The following MTARC1 variants were observed in gnomAD, a reference collection of about 807,000 sequenced individuals.
The protein encoded by MTARC1 is mitochondrial amidoxime reducing component 1.
Under a neutral mutation model 33.6 loss-of-function variants are expected in MTARC1, and 24 were observed. The ratio of observed to expected loss-of-function variants is 0.72; its 90% CI spans 0.52 to 1.01. The LOEUF (loss-of-function observed/expected upper bound fraction) is 1.01. Ranked by LOEUF, MTARC1 falls within the 50% of genes least tolerant of loss-of-function variation. The pLI, the probability that MTARC1 is intolerant of heterozygous loss-of-function variation, is 0.00. For missense variants in MTARC1, 417 were observed against 445.7 expected (o/e 0.94, Z 0.58); for synonymous variants, 187 against 189.5 (o/e 0.99, Z 0.11).
chr1:220,812,050 TG>T (rs777936817), intron 6 of MTARC1, among the ~76,000 whole-genome samples: 2 of 152,216 alleles, frequency 1.3e-5, no homozygotes, highest in African/African-American at 2.4e-5. Flanking sequence ...TACTCGTAGC[TG>T]GGGGAACCTG....
At chr1:220,794,030 C>T (rs1035947934) in intron 2 of MTARC1, 3 of 152,104 alleles carry the variant, frequency 2.0e-5, no homozygotes, top group Non-Finnish European at 4.4e-5. Flanking sequence ...GTCAGATTAG[C>T]AGGGCAGATG....
chr1:220,789,590 T>C (rs545916429), intron 1 of MTARC1, among the ~76,000 whole-genome samples: 1 of 152,374 alleles, frequency 6.6e-6, no homozygotes, highest in East Asian at 1.9e-4. Context: ...ATAGGATGAA[T>C]GTTCTTTGCA....
chr1:220,803,364 A>G (rs1305478828), intron 4 of MTARC1, among the ~76,000 whole-genome samples: 2 of 152,212 alleles, frequency 1.3e-5, no homozygotes, highest in African/African-American at 2.4e-5. Flanking sequence ...TGGGAGCTAC[A>G]ATTCAAGATG....
intron 2 of MTARC1, among the ~76,000 whole-genome samples, chr1:220,792,213 G>A (rs1421865290): frequency 2.0e-5 from 3 of 152,196 alleles, no homozygotes; most frequent in Non-Finnish European, 4.4e-5. Context: ...AGGGGTCAGT[G>A]TCAGAATGAG....
rs1239289338 is a variant in MTARC1 at position 220,814,320 on chromosome 1, A to G, written c.*902A>G. 6.6e-6 allele frequency: 1 copy of G among 152,186 alleles called. No individual in the cohort carries two copies. Among genetic ancestry groups the G allele is most frequent in the Non-Finnish European group, 1.5e-5 (1 of 68,030 alleles). The allele number at this position is 152,186 out of a possible 1,614,324, so 9.4% of individuals were successfully genotyped here. ...TTTTTTATTGCCATTTTGTCCTTTG[A>G]TTATATTGGGAAGTTGACTAAACTT... On this transcript the variant is annotated 3_prime_UTR_variant, in exon 7 of 7. Coordinates refer to ENST00000366910, the MANE Select transcript of MTARC1 (RefSeq NM_022746.4).
At position 220,798,173 on chromosome 1, in the gene MTARC1, T is replaced by C. The variant is rs577516063; in HGVS notation, c.753+159T>C. The stretch of plus-strand genomic sequence containing the variant: ...TTAGATTTATTCAGCACTTAATAAG[T>C]GCAGACTTCTGTGTGGAGGATACAA... On this transcript the variant is annotated intron_variant, in intron 4 of 6. Transcript: ENST00000366910. 4.3e-5 allele frequency: 68 copies of C among 1,572,636 alleles called. 1 individual carries two copies. In the South Asian group the frequency reaches 7.1e-4, roughly 17 times the overall value.
intron 6 of MTARC1, chr1:220,808,937 C>T (rs1220401143): frequency 6.4e-6 from 3 of 470,770 alleles, no homozygotes; most frequent in Non-Finnish European, 1.3e-5. Context: ...GACATTTTGC[C>T]CCTAATGGAA....
In MTARC1 at chr1:220,787,155, G is replaced by C; in HGVS notation, c.211G>C (p.Gly71Arg). The C allele has an allele frequency of 6.3e-7, 1 of 1,577,574 alleles. No individual in the cohort carries two copies. The highest frequency in any genetic ancestry group is 8.6e-7 in the Non-Finnish European group (1 of 1,162,620). The change falls in exon 1 of 7, where the codon GGG (glycine) becomes CGG (arginine). Residue 71 changes from glycine to arginine, a missense_variant. By Grantham distance (125) the Gly-to-Arg change is moderately radical (BLOSUM62 -2). Coordinates refer to ENST00000366910, the MANE Select transcript of MTARC1 (RefSeq NM_022746.4). Reference protein sequence around the residue: ...LWIYPVKSCKGVPVSEAECTA... With the variant: ...LWIYPVKSCKRVPVSEAECTA... ...GATCTACCCTGTGAAATCCTGCAAG[G>C]GGGTGCCGGTGAGCGAGGCGGAGTG...
In MTARC1 at chr1:220,816,492, T is replaced by G. The variant is rs1035376052; in HGVS notation, c.*3074T>G. ...CGGGATGCTTCTAAAAACAATTCCATGGACCAGTAAGTTTGGAAAGTCCTG... is the reference window on the plus strand; with the variant it reads ...CGGGATGCTTCTAAAAACAATTCCAGGGACCAGTAAGTTTGGAAAGTCCTG... On this transcript the variant is annotated 3_prime_UTR_variant, in exon 7 of 7. Coordinates refer to ENST00000366910, the MANE Select transcript of MTARC1 (RefSeq NM_022746.4). 4 of 152,238 alleles carry G rather than the reference T, an allele frequency of 2.6e-5. No homozygotes were observed. Among genetic ancestry groups the G allele is most frequent in the African/African-American group, 9.7e-5 (4 of 41,436 alleles). The allele number at this position is 152,238 out of a possible 1,614,324, so 9.4% of individuals were successfully genotyped here. A position where few individuals can be genotyped will look rare whatever the true frequency, so the allele number is the denominator to read the frequency against.
chr1:220,798,619 T>C, intron 4 of MTARC1: 1 of 969,256 alleles, frequency 1.0e-6, no homozygotes, highest in African/African-American at 1.8e-5. Context: ...CCTTTGGCTA[T>C]TTAACTTGAT....
chr1:220,787,028 G>A lies in MTARC1; in HGVS notation c.84G>A (p.Leu28=). Residue 28 remains leucine, a synonymous_variant, in exon 1 of 7, where the codon CTG becomes CTA. Coordinates refer to ENST00000366910, the MANE Select transcript of MTARC1 (RefSeq NM_022746.4). ...SRPGWLGVAA[L]GLTAVALGAV... is the part of the protein sequence containing the mutation. ...CCGGGTGGCTCGGGGTTGCCGCGCT[G>A]GGCCTGACCGCGGTGGCGCTGGGGG... is the stretch of plus-strand genomic sequence containing the variant. 7.3e-7 allele frequency: 1 copy of A among 1,362,260 alleles called. No homozygotes were observed. The highest frequency in any genetic ancestry group is 9.4e-7 in the Non-Finnish European group (1 of 1,065,864). The allele number at this position is 1,362,260 out of a possible 1,614,324, so 84.4% of individuals were successfully genotyped here.
chr1:220,808,674 C>G (rs1006706727), intron 6 of MTARC1, among the ~76,000 whole-genome samples: 1 of 152,198 alleles, frequency 6.6e-6, no homozygotes, highest in African/African-American at 2.4e-5. Context: ...CTGTGCCTGA[C>G]CAGCCCTGCC....
At chr1:220,796,367 A>G (rs1672616344) in intron 2 of MTARC1, among the ~76,000 whole-genome samples, 1 of 152,102 alleles carries the variant, frequency 6.6e-6, no homozygotes, top group African/African-American at 2.4e-5. Flanking sequence ...ATATTATTTC[A>G]TTTCATCCTC....
At chr1:220,813,060 A>G (rs528615715) in intron 6 of MTARC1, among the ~76,000 whole-genome samples, 2 of 152,320 alleles carry the variant, frequency 1.3e-5, no homozygotes, top group African/African-American at 2.4e-5. Flanking sequence ...AAGGGGGAAC[A>G]TGAAGGTAGA....
At chr1:220,797,510 T>A (rs1373995192) in intron 3 of MTARC1, among the ~76,000 whole-genome samples, 2 of 152,208 alleles carry the variant, frequency 1.3e-5, no homozygotes, top group Non-Finnish European at 2.9e-5. Flanking sequence ...TAAGTATTCA[T>A]GGAATTAGTG....
rs1474682289 is a variant in MTARC1 at position 220,813,631 on chromosome 1, T to C, written c.*213T>C. 1 of 538,412 alleles carries C rather than the reference T, an allele frequency of 1.9e-6. No individual in the cohort carries two copies. Among genetic ancestry groups the C allele is most frequent in the Non-Finnish European group, 3.2e-6 (1 of 309,060 alleles). The allele number at this position is 538,412 out of a possible 1,614,324, so 33.4% of individuals were successfully genotyped here. On this transcript the variant is annotated 3_prime_UTR_variant, in exon 7 of 7. Coordinates refer to ENST00000366910, the MANE Select transcript of MTARC1 (RefSeq NM_022746.4). Reference sequence around the variant, plus strand: ...TATAGTCTCAATAACTTAGTAGGACTTCAGTAAGTCACTTAAATGACAAGA... The same window carrying C: ...TATAGTCTCAATAACTTAGTAGGACCTCAGTAAGTCACTTAAATGACAAGA...
At chr1:220,800,255 C>T (rs767506465) in intron 4 of MTARC1, among the ~76,000 whole-genome samples, 67 of 152,130 alleles carry the variant, frequency 4.4e-4, no homozygotes, top group Non-Finnish European at 8.2e-4. Context: ...TGAAGCTGGG[C>T]GGTAACACAA....
intron 1 of MTARC1, among the ~76,000 whole-genome samples, chr1:220,788,797 C>CAAAAAAAA (rs34563265): frequency 1.3e-3 from 178 of 140,242 alleles, no homozygotes; most frequent in Middle Eastern, 0.011. Flanking sequence ...GACTAAGTCT[C>CAAAAAAAA]AAAAAAAAAA....
At chr1:220,802,423 C>T (rs186903082) in intron 4 of MTARC1, among the ~76,000 whole-genome samples, 3 of 152,354 alleles carry the variant, frequency 2.0e-5, no homozygotes, top group Admixed American at 2.0e-4. Flanking sequence ...CCTCCGCCTC[C>T]CGGATTCAAG....
Sources: gnomAD v4.1 joint callset for allele counts (sites outside exome capture counted in the v4.1 genomes callset) on GRCh38, gnomAD v4.1.1 for gene constraint, MANE v1.5 for transcripts, NCBI Gene and HGNC (gene_info 2026-07-23, HGNC 2026-07-21) for gene names.